IL4I1: variants seen among roughly 807,000 people sequenced by gnomAD.
IL4I1 encodes the protein L-amino-acid oxidase.
A neutral mutation model predicts 29.7 loss-of-function variants in IL4I1; 24 were observed. The observed-to-expected ratio is 0.81, with a 90% CI of 0.59 to 1.14. The LOEUF (loss-of-function observed/expected upper bound fraction) is 1.14. Ranked by LOEUF, IL4I1 falls within the 50% of genes most tolerant of loss-of-function variation. The pLI is 0.00. For missense variants in IL4I1, 686 were observed against 785.6 expected, an observed-to-expected ratio of 0.87 and a Z score of 1.52; for synonymous variants, 371 against 352.5, an observed-to-expected ratio of 1.05 and a Z score of -0.59.
intron 2 of IL4I1, chr19:49,908,491 G>A (rs2075373654): frequency 2.5e-6 from 4 of 1,614,044 alleles, no homozygotes; most frequent in Non-Finnish European, 2.5e-6. Context: ...GTGCATCGAT[G>A]TTCTCAGCCA....
In IL4I1 at chr19:49,889,991, G is replaced by C; in HGVS notation, c.1383C>G (p.Leu461=). The part of the protein sequence containing the change: ...QGGFVVQPPA[L]WQTEKDDWTV... ...TCCAGTCATCCTTTTCGGTTTGCCA[G>C]AGCGCCGGCGGCTGTACCACAAAGC... The change falls in exon 8 of 8, where the codon CTC becomes CTG. Residue 461 remains leucine (L), a synonymous_variant. Transcript: ENST00000391826. 6.4e-7 allele frequency: 1 copy of C among 1,560,286 alleles called. No homozygotes were observed. Among genetic ancestry groups the C allele is most frequent in the Non-Finnish European group, 8.7e-7 (1 of 1,152,416 alleles).
At chr19:49,898,203 C>A (rs1397435389), upstream of IL4I1, among the ~76,000 whole-genome samples, 2 of 152,104 alleles carry the variant, frequency 1.3e-5, no homozygotes, top group Non-Finnish European at 2.9e-5. Context: ...CGCCTGTAGT[C>A]CCAACTACTC....
At chr19:49,897,662 T>A (rs2122538850), upstream of IL4I1, among the ~76,000 whole-genome samples, 1 of 151,986 alleles carries the variant, frequency 6.6e-6, no homozygotes, top group East Asian at 1.9e-4. Context: ...CACCCATCCC[T>A]GCTTTAAGAA....
chr19:49,904,548 A>T (rs2122563124), intron 2 of IL4I1, among the ~76,000 whole-genome samples: 1 of 152,058 alleles, frequency 6.6e-6, no homozygotes, highest in African/African-American at 2.4e-5. Context: ...GAAAATGCAG[A>T]ACTTAAAATT....
chr19:49,912,691 C>T (rs2075504258), intron 2 of IL4I1, among the ~76,000 whole-genome samples: 1 of 152,098 alleles, frequency 6.6e-6, no homozygotes, highest in Non-Finnish European at 1.5e-5. Flanking sequence ...TAGCGAGATG[C>T]TGTCTCTACA....
intron 2 of IL4I1, among the ~76,000 whole-genome samples, chr19:49,923,854 C>G (rs2075821148): frequency 6.6e-6 from 1 of 152,248 alleles, no homozygotes; most frequent in Non-Finnish European, 1.5e-5. Flanking sequence ...TGCTCTGACC[C>G]ACGCTGCGGA....
intron 3 of IL4I1, 96 bp downstream of exon 3, chr19:49,895,719 A>G: frequency 3.7e-6 from 2 of 541,580 alleles, no homozygotes; most frequent in South Asian, 1.6e-5. Context: ...CCCCACCTCC[A>G]CCCCCTCAAG....
chr19:49,902,125 G>A (rs1320055671), intron 3 of IL4I1, among the ~76,000 whole-genome samples: 3 of 151,700 alleles, frequency 2.0e-5, no homozygotes, highest in Non-Finnish European at 2.9e-5. Context: ...TCAGCCTCCC[G>A]AGGAGCTGCG....
intron 2 of IL4I1, among the ~76,000 whole-genome samples, chr19:49,922,652 G>C (rs1003459612): frequency 1.2e-4 from 18 of 151,990 alleles, no homozygotes; most frequent in African/African-American, 4.3e-4. Context: ...CTGGTGGTTT[G>C]CTGGGGTTTT....
chr19:49,904,490 C>T (rs913485444), intron 2 of IL4I1, among the ~76,000 whole-genome samples: 1 of 152,126 alleles, frequency 6.6e-6, no homozygotes, highest in African/African-American at 2.4e-5. Flanking sequence ...AATGGAATCA[C>T]TTGTGTTATT....
At chr19:49,909,809 G>C in intron 2 of IL4I1, 2 of 1,613,928 alleles carry the variant, frequency 1.2e-6, no homozygotes, top group Non-Finnish European at 1.7e-6. Context: ...CCCGCTCATG[G>C]CTCCGGACTC....
chr19:49,896,581 C>T (rs932150552), intron 1 of IL4I1, among the ~76,000 whole-genome samples: 4 of 152,222 alleles, frequency 2.6e-5, no homozygotes, highest in East Asian at 3.9e-4. Flanking sequence ...TTACAGACAC[C>T]CATAACCAAA....
At position 49,889,946 on chromosome 19, in the gene IL4I1, G is replaced by T; in HGVS notation, c.1428C>A (p.Ile476=). The T allele has an allele frequency of 6.2e-7, 1 of 1,600,032 alleles. No homozygotes were observed. Among genetic ancestry groups the T allele is most frequent in the Non-Finnish European group, 8.5e-7 (1 of 1,173,864 alleles). ...AGGCGGTGTGCTCGCCGGCAAAGTA[G>T]ATGCGGCCATAAGGGACCGTCCAGT... ...KDDWTVPYGR[I]YFAGEHTAYP... is the part of the protein sequence containing the mutation. Residue 476 remains isoleucine, a synonymous_variant, in exon 8 of 8, where the codon ATC becomes ATA. Transcript: ENST00000391826.
chr19:49,889,880 C>T lies in IL4I1; in HGVS notation c.1494G>A (p.Leu498=). ...GWVETAVKSA[L]RAAIKINSRK... ...GGCTGTTGATCTTGATGGCGGCGCG[C>T]AGCGCCGACTTGACCGCCGTCTCCA... is the stretch of plus-strand genomic sequence containing the variant. The change falls in exon 8 of 8, where the codon CTG becomes CTA. Residue 498 remains leucine (L), a synonymous_variant. Transcript: ENST00000391826. The T allele has an allele frequency of 6.2e-7, 1 of 1,602,750 alleles. No individual in the cohort carries two copies. Among genetic ancestry groups the T allele is most frequent in the Non-Finnish European group, 8.5e-7 (1 of 1,174,558 alleles).
At chr19:49,901,728 A>C, upstream of IL4I1, 1 of 1,518,166 alleles carries the variant, frequency 6.6e-7, no homozygotes, top group Non-Finnish European at 8.9e-7. Context: ...GTGCGGAATC[A>C]AGGTGAATGA....
intron 2 of IL4I1, among the ~76,000 whole-genome samples, chr19:49,920,951 G>C (rs1422140176): frequency 6.6e-6 from 1 of 152,276 alleles, no homozygotes; most frequent in Non-Finnish European, 1.5e-5. Flanking sequence ...GGCCCAGGCC[G>C]GGCTGTGGTG....
chr19:49,899,156 T>A (rs1445768177), upstream of IL4I1, among the ~76,000 whole-genome samples: 1 of 152,226 alleles, frequency 6.6e-6, no homozygotes, highest in Non-Finnish European at 1.5e-5. Context: ...CCCCGGCCCC[T>A]GCCCAATAGC....
Position 49,921,280 on chromosome 19 carries a change from C to T in IL4I1, c.-228+6414G>A, listed in dbSNP as rs2075759578. On this transcript the variant is annotated intron_variant, in intron 2 of 9. Transcript: ENST00000341114. The surrounding 1 kb of genome is among the most constrained non-coding windows in gnomAD (Gnocchi z 5.4). ...GTCCCACAACCAGTAAGGGCTGGCC[C>T]AGGTGTCTGGCCCCACAGCTGAGCT... Among the ~76,000 whole-genome samples, 1 of 152,156 alleles carries T rather than the reference C, an allele frequency of 6.6e-6. No homozygotes were observed. The highest frequency in any genetic ancestry group is 2.4e-5 in the African/African-American group (1 of 41,426).
Position 49,896,130 on chromosome 19 carries a change from C to CT in IL4I1, c.13+17_13+18insA. ...GGTTCTACTCACTTGTTCCAGAGCC[C>CT]CTCCCCTGCTTACTCACCCAATGGG... On this transcript the variant is annotated intron_variant, in intron 2 of 7. Transcript: ENST00000391826. 6.4e-7 allele frequency: 1 copy of CT among 1,560,220 alleles called. No individual in the cohort carries two copies. Among genetic ancestry groups the CT allele is most frequent in the Non-Finnish European group, 8.7e-7 (1 of 1,151,502 alleles).
Sources: gnomAD v4.1 joint callset for allele counts (sites outside exome capture counted in the v4.1 genomes callset) on GRCh38, gnomAD v4.1.1 for gene constraint, Gnocchi (gnomAD v3.1) non-coding constraint, MANE v1.5 for transcripts, NCBI Gene and HGNC (gene_info 2026-07-23, HGNC 2026-07-21) for gene names.